The following PRELID2 variants were observed in gnomAD, a reference collection of about 807,000 sequenced individuals.
The protein encoded by PRELID2 is PRELI domain-containing protein 2.
In PRELID2, 25 loss-of-function variants were observed where a neutral mutation model predicts 28.4. The observed-to-expected ratio is 0.88, with a 90% CI of 0.64 to 1.23. PRELID2 has a LOEUF of 1.23. PRELID2 is among the 50% of genes most tolerant of loss of function. The pLI is 0.00. For synonymous variants in PRELID2, 76 were observed against 71.6 expected, an observed-to-expected ratio of 1.06 and a Z score of -0.31; for missense variants, 201 against 214.4, an observed-to-expected ratio of 0.94 and a Z score of 0.39.
chr5:145,317,608 G>A, the PRELID2 span, among the ~76,000 whole-genome samples: 13 of 152,276 alleles, frequency 8.5e-5, no homozygotes, highest in Admixed American at 7.2e-4. Context: ...CAAGACTGGG[G>A]GGTGGAGAAA....
At chr5:145,456,863 C>T in the PRELID2 span, among the ~76,000 whole-genome samples, 1 of 152,124 alleles carries the variant, frequency 6.6e-6, no homozygotes, top group Non-Finnish European at 1.5e-5. Context: ...TCAAGTAGTG[C>T]AGCAGCTGTG....
At chr5:145,284,581 GAA>G in the PRELID2 span, among the ~76,000 whole-genome samples, 2 of 152,086 alleles carry the variant, frequency 1.3e-5, no homozygotes, top group African/African-American at 4.8e-5. Context: ...GGAAGTGGGA[GAA>G]AGGAATCCTA....
the PRELID2 span, among the ~76,000 whole-genome samples, chr5:145,371,886 T>TAAA: frequency 1.8e-3 from 261 of 141,888 alleles, 7 homozygotes; most frequent in East Asian, 0.044. Context: ...TTTGTTAATT[T>TAAA]AAAAAAAAAA....
intron 1 of PRELID2, among the ~76,000 whole-genome samples, chr5:145,698,651 G>A (rs1047679081): frequency 1.2e-4 from 19 of 152,156 alleles, no homozygotes; most frequent in African/African-American, 4.6e-4. Flanking sequence ...TTTAATGATG[G>A]CATGTATCCC....
chr5:145,607,114 T>G (rs1753516525), intron 1 of PRELID2, among the ~76,000 whole-genome samples: 2 of 152,216 alleles, frequency 1.3e-5, no homozygotes, highest in South Asian at 4.1e-4. Context: ...CTGATAGTGT[T>G]TATTTGGATC....
the PRELID2 span, among the ~76,000 whole-genome samples, chr5:145,311,856 G>T: frequency 4.6e-5 from 7 of 152,158 alleles, no homozygotes; most frequent in Admixed American, 1.3e-4. Context: ...GTAAAATGCA[G>T]ATTCTCATAA....
intron 1 of PRELID2, among the ~76,000 whole-genome samples, chr5:145,725,566 C>T (rs1756122930): frequency 6.6e-6 from 1 of 152,188 alleles, no homozygotes; most frequent in African/African-American, 2.4e-5. Flanking sequence ...TTCAACTCCA[C>T]TGAAACAAAA....
At chr5:145,708,869 G>A (rs1024336206) in intron 1 of PRELID2, among the ~76,000 whole-genome samples, 3 of 152,214 alleles carry the variant, frequency 2.0e-5, no homozygotes, top group African/African-American at 7.2e-5. Context: ...TTCTCAGTCG[G>A]GTGGGACAAA....
chr5:145,306,703 T>C, the PRELID2 span, among the ~76,000 whole-genome samples: 1 of 152,056 alleles, frequency 6.6e-6, no homozygotes, highest in African/African-American at 2.4e-5. Context: ...TATAATAATA[T>C]AACTAGTGAT....
At chr5:145,445,741 A>AAC in the PRELID2 span, among the ~76,000 whole-genome samples, 223 of 149,218 alleles carry the variant, frequency 1.5e-3, no homozygotes, top group South Asian at 0.012. Flanking sequence ...TGTCTCACAA[A>AAC]ACACACACAC....
the PRELID2 span, among the ~76,000 whole-genome samples, chr5:145,434,383 T>G: frequency 6.6e-6 from 1 of 152,152 alleles, no homozygotes; most frequent in Non-Finnish European, 1.5e-5. Context: ...CCTGAGTACT[T>G]TATGTTCAGG....
chr5:145,615,322 TTTTTG>T lies in PRELID2; in HGVS notation n.71-142012_71-142008del, dbSNP rs1753679715. Among the ~76,000 whole-genome samples, 2 of 102,840 alleles carry T rather than the reference TTTTTG, an allele frequency of 1.9e-5. 1 individual carries two copies. Among genetic ancestry groups the T allele is most frequent in the African/African-American group, 9.8e-5 (2 of 20,352 alleles). The allele number at this position is 102,840 out of a possible 152,430, so 67.5% of individuals were successfully genotyped here. A position where few individuals can be genotyped will look rare whatever the true frequency, so the allele number is the denominator to read the frequency against. On this transcript the variant is annotated intron_variant and non_coding_transcript_variant, in intron 1 of 2. Transcript: ENST00000510259. ...CCTTATGTGTTATGTGAGTCTCTTT[TTTTTG>T]TTTTTTTTTTTTTTTTTTGAGACGG...
At chr5:145,789,936 C>T (rs369210555) in intron 5 of PRELID2, among the ~76,000 whole-genome samples, 2 of 152,058 alleles carry the variant, frequency 1.3e-5, no homozygotes, top group East Asian at 1.9e-4. Context: ...AAATTAAAAC[C>T]ACAATGAGAT....
chr5:145,526,206 C>A (rs1247430849), intron 1 of PRELID2, among the ~76,000 whole-genome samples: 1 of 152,090 alleles, frequency 6.6e-6, no homozygotes, highest in East Asian at 1.9e-4. Context: ...ACGTAGAAAC[C>A]AAAACTCAGG....
At chr5:145,712,513 T>C (rs937381667) in intron 1 of PRELID2, among the ~76,000 whole-genome samples, 1 of 152,186 alleles carries the variant, frequency 6.6e-6, no homozygotes, top group Non-Finnish European at 1.5e-5. Context: ...ACTGATAAAT[T>C]AGATTGACCA....
chr5:145,641,805 G>C (rs768191798), intron 1 of PRELID2, among the ~76,000 whole-genome samples: 1 of 152,156 alleles, frequency 6.6e-6, no homozygotes, highest in African/African-American at 2.4e-5. Flanking sequence ...TGAGAATGAC[G>C]GTTTCCAGCT....
At chr5:145,771,768 T>C (rs1317940598) in intron 5 of PRELID2, among the ~76,000 whole-genome samples, 1 of 151,942 alleles carries the variant, frequency 6.6e-6, no homozygotes, top group Non-Finnish European at 1.5e-5. Context: ...GGCAGGAGAA[T>C]TGCTTGAACG....
chr5:145,441,017 A>G, the PRELID2 span: 1 of 152,040 alleles, frequency 6.6e-6, no homozygotes, highest in African/African-American at 2.4e-5. Flanking sequence ...CATATTTAGC[A>G]TTTGCAAAAT....
chr5:145,430,038 A>T, the PRELID2 span: 2 of 152,230 alleles, frequency 1.3e-5, no homozygotes, highest in South Asian at 4.1e-4. Context: ...GAGCAGAACC[A>T]CCTATTGGGT....
Sources: allele counts gnomAD v4.1 joint callset (sites outside exome capture counted in the v4.1 genomes callset), GRCh38; gene constraint gnomAD v4.1.1; transcripts MANE v1.5; gene names NCBI Gene and HGNC (gene_info 2026-07-23, HGNC 2026-07-21).